CDC6: variants seen among roughly 807,000 people sequenced by gnomAD.
CDC6 encodes cell division cycle 6.
In CDC6, 46 loss-of-function variants were observed where a neutral mutation model predicts 60.2. The ratio of observed to expected loss-of-function variants is 0.76; its 90% CI spans 0.60 to 0.98. The LOEUF (loss-of-function observed/expected upper bound fraction) is 0.98. CDC6 is among the 50% of genes least tolerant of loss of function. The pLI is 0.00. For missense variants in CDC6, 596 were observed against 652.9 expected, an observed-to-expected ratio of 0.91 and a Z score of 0.95; for synonymous variants, 210 against 233.2, an observed-to-expected ratio of 0.90 and a Z score of 0.90.
intron 9 of CDC6, among the ~76,000 whole-genome samples, chr17:40,298,290 C>T (rs2032888334): frequency 6.6e-6 from 1 of 152,122 alleles, no homozygotes; most frequent in African/African-American, 2.4e-5. Flanking sequence ...TTAGGCTTGT[C>T]ACTGGCCCCT....
intron 8 of CDC6, among the ~76,000 whole-genome samples, chr17:40,295,900 C>T (rs528489107): frequency 1.3e-5 from 2 of 152,188 alleles, no homozygotes; most frequent in Admixed American, 1.3e-4. Flanking sequence ...CTCTTTCTCC[C>T]TTCCCATCCT....
rs559620054 is a variant in CDC6, at chr17:40,303,435, T to A, written c.*1434T>A. The stretch of plus-strand genomic sequence containing the variant: ...ATGGCCTTCCATTTGGAACTTGATA[T>A]GTGTACAAGTGATCTGTTGGCCACT... On this transcript the variant is annotated 3_prime_UTR_variant, in exon 12 of 12. Transcript: ENST00000209728. 3 of 152,344 alleles carry A rather than the reference T, an allele frequency of 2.0e-5. No homozygotes were observed. In the East Asian group the frequency reaches 5.8e-4, roughly 29 times the overall value. 9.4% of individuals were successfully genotyped at this position (152,344 alleles called of 1,614,324 possible).
chr17:40,302,076 C>T lies in CDC6; in HGVS notation c.*75C>T. The T allele has an allele frequency of 1.1e-6, 1 of 871,438 alleles. No individual in the cohort carries two copies. Among genetic ancestry groups the T allele is most frequent in the Non-Finnish European group, 2.0e-6 (1 of 503,980 alleles). 54.0% of individuals were successfully genotyped at this position (871,438 alleles called of 1,614,324 possible). A position where few individuals can be genotyped will look rare whatever the true frequency, so the allele number is the denominator to read the frequency against. On this transcript the variant is annotated 3_prime_UTR_variant, in exon 12 of 12. Coordinates refer to ENST00000209728, the MANE Select transcript of CDC6 (RefSeq NM_001254.4). Reference sequence around the variant, plus strand: ...CTACAGTCTTCATTTTAGTGCTTTACACATTCGGGCCTGAAAACAAATATG... The same window carrying T: ...CTACAGTCTTCATTTTAGTGCTTTATACATTCGGGCCTGAAAACAAATATG...
rs1387896040 is a variant in CDC6, at chr17:40,296,752, A to G, written c.1234A>G (p.Lys412Glu). ...ESDVKSQTIL[K>E]PLSECKSPSE... ...AGATGTCAAAAGCCAGACTATTCTC[A>G]AACCACTGTCTGAATGTAAGTAGTT... The change falls in exon 9 of 12, where the codon AAA becomes GAA. Residue 412 changes from lysine to glutamate, a missense_variant. By Grantham distance (56) the Lys-to-Glu change is moderately conservative (BLOSUM62 1). Coordinates refer to ENST00000209728, the MANE Select transcript of CDC6 (RefSeq NM_001254.4). 2 of 1,600,878 alleles carry G rather than the reference A, an allele frequency of 1.2e-6. No homozygotes were observed. Among genetic ancestry groups the G allele is most frequent in the Non-Finnish European group, 1.7e-6 (2 of 1,167,962 alleles).
intron 7 of CDC6, among the ~76,000 whole-genome samples, chr17:40,294,855 G>A (rs2032835539): frequency 6.6e-6 from 1 of 151,782 alleles, no homozygotes; most frequent in South Asian, 2.1e-4. Flanking sequence ...CTCCCCAGTA[G>A]CTAGGACTAC....
intron 4 of CDC6, among the ~76,000 whole-genome samples, chr17:40,293,053 A>G (rs1318679926): frequency 1.3e-5 from 2 of 152,080 alleles, no homozygotes; most frequent in Non-Finnish European, 2.9e-5. Flanking sequence ...AGCCTGGCCA[A>G]TGTGGCGAAA....
chr17:40,292,931 A>G (rs2032789304), intron 4 of CDC6, among the ~76,000 whole-genome samples: 1 of 149,544 alleles, frequency 6.7e-6, no homozygotes, highest in Admixed American at 6.7e-5. Context: ...CTCCGTCTCA[A>G]AAAAAAAAAG....
chr17:40,291,260 T>A lies in CDC6; in HGVS notation c.381T>A (p.Ser127Arg), dbSNP rs199624822. 2 of 1,614,124 alleles carry A rather than the reference T, an allele frequency of 1.2e-6. No individual in the cohort carries two copies. The highest frequency in any genetic ancestry group is 1.7e-6 in the Non-Finnish European group (2 of 1,179,970). The change falls in exon 3 of 12, where the codon AGT becomes AGA. Residue 127 changes from serine (S) to arginine (R), a missense_variant. Coordinates refer to ENST00000209728, the MANE Select transcript of CDC6 (RefSeq NM_001254.4). ...QNKILSSVRK[S>R]QEITTNSEQR... is the part of the protein sequence containing the mutation. ...AAATACTTTCTTCAGTTAGAAAAAG[T>A]CAAGAGATCACAACAAATTCTGAGC...
chr17:40,291,712 C>T, intron 4 of CDC6, 44 bp downstream of exon 4: 1 of 1,538,466 alleles, frequency 6.5e-7, no homozygotes, highest in Non-Finnish European at 9.0e-7. Context: ...TAAAATGATA[C>T]TTGGGTGTTT....
rs765388985 is a variant in CDC6 at position 40,300,940 on chromosome 17, A to G, written c.1362A>G (p.Gln454=). Residue 454 remains glutamine (Q), a synonymous_variant, in exon 10 of 12, where the codon CAA becomes CAG. Transcript: ENST00000209728. ...TGACCTTGAGCCAAGAAGGAGCACA[A>G]GATTCCTTCCCTCTTCAGCAGAAGA... The part of the protein sequence containing the change: ...NRMTLSQEGA[Q]DSFPLQQKIL... 1 of 1,613,874 alleles carries G rather than the reference A, an allele frequency of 6.2e-7. No homozygotes were observed. Among genetic ancestry groups the G allele is most frequent in the South Asian group, 1.1e-5 (1 of 91,080 alleles).
intron 5 of CDC6, among the ~76,000 whole-genome samples, 154 bp from the exon 6 acceptor site, chr17:40,293,796 A>C (rs1261585237): frequency 6.6e-6 from 1 of 152,252 alleles, no homozygotes; most frequent in African/African-American, 2.4e-5. Context: ...CTTATAGATG[A>C]TGTGGGGTAT....
intron 2 of CDC6, 133 bp downstream of exon 2, chr17:40,289,731 CAG>C (rs1178477866): frequency 4.9e-6 from 3 of 613,118 alleles, no homozygotes; most frequent in Admixed American, 6.7e-5. Flanking sequence ...TTTTTTGAGA[CAG>C]AGTCTCGCTC....
chr17:40,301,495 C>T lies in CDC6; in HGVS notation c.1480C>T (p.Arg494Cys), dbSNP rs773096521. ...ATATGAAGCCTACAGTAAAGTCTGTCGCAAACAGCAGGTGGCGGCTGTGGA... is the reference window on the plus strand; with the variant it reads ...ATATGAAGCCTACAGTAAAGTCTGTTGCAAACAGCAGGTGGCGGCTGTGGA... ...KLYEAYSKVC[R>C]KQQVAAVDQS... Residue 494 changes from arginine to cysteine, a missense_variant, in exon 11 of 12, where the codon CGC becomes TGC. Transcript: ENST00000209728. The T allele has an allele frequency of 1.6e-5, 26 of 1,613,832 alleles. No individual in the cohort carries two copies. Among genetic ancestry groups the T allele is most frequent in the East Asian group, 6.7e-5 (3 of 44,898 alleles).
chr17:40,295,574 C>T (rs530711020), intron 8 of CDC6, 118 bp downstream of exon 8: 34 of 727,722 alleles, frequency 4.7e-5, no homozygotes, highest in African/African-American at 1.2e-4. Flanking sequence ...TACTTTTTTA[C>T]GCTCAGAAAG....
In CDC6 at chr17:40,296,890, G is replaced by T; in HGVS notation, c.1249+123G>T. The T allele has an allele frequency of 5.2e-6, 4 of 770,074 alleles. No homozygotes were observed. The East Asian group carries it at 9.9e-5, about 19-fold the overall frequency. 47.7% of individuals were successfully genotyped at this position (770,074 alleles called of 1,614,324 possible). A position where few individuals can be genotyped will look rare whatever the true frequency, so the allele number is the denominator to read the frequency against. On this transcript the variant is annotated intron_variant, in intron 9 of 11. Transcript: ENST00000209728. The stretch of plus-strand genomic sequence containing the variant: ...AACTCACCCATTTTTATGTGTGTCT[G>T]TGTTTTTAGTCCGTTTCGTCTACTT...
At position 40,302,017 on chromosome 17, in the gene CDC6, C is replaced by G; in HGVS notation, c.*16C>G. 1 of 1,397,682 alleles carries G rather than the reference C, an allele frequency of 7.2e-7. No homozygotes were observed. The highest frequency in any genetic ancestry group is 1.7e-5 in the Admixed American group (1 of 59,748). 86.6% of individuals were successfully genotyped at this position (1,397,682 alleles called of 1,614,324 possible). On this transcript the variant is annotated 3_prime_UTR_variant, in exon 12 of 12. Coordinates refer to ENST00000209728, the MANE Select transcript of CDC6 (RefSeq NM_001254.4). ...ATTGCCTTAAATTCTTCTCTTACAC[C>G]CCACCCGAAAGTATTCAGCTGGCAT...
At chr17:40,301,296 AT>A (rs1199209906) in intron 10 of CDC6, among the ~76,000 whole-genome samples, 171 bp from the exon 11 acceptor site, 1 of 152,158 alleles carries the variant, frequency 6.6e-6, no homozygotes, top group Admixed American at 6.5e-5. Context: ...ACATTACTGT[AT>A]AGGTTTTCGG....
rs1252342992 is a variant in CDC6, at chr17:40,291,502, A to C, written c.494A>C (p.Asn165Thr). ...TCYQQAKLVL[N>T]TAVPDRLPAR... is the part of the protein sequence containing the mutation. ...TACCAGCAAGCAAAGCTGGTCCTGA[A>C]CACAGCTGTCCCAGATCGGCTGCCT... The change falls in exon 4 of 12, where the codon AAC becomes ACC. Residue 165 changes from asparagine (N) to threonine (T), a missense_variant. Transcript: ENST00000209728. 2 of 1,614,128 alleles carry C rather than the reference A, an allele frequency of 1.2e-6. No homozygotes were observed. Among genetic ancestry groups the C allele is most frequent in the Admixed American group, 3.3e-5 (2 of 60,010 alleles).
rs34020648 is a variant in CDC6 at position 40,289,703 on chromosome 17, CTTTT to C, written c.178+125_178+128del. ...AGCTTTCTAAGTTCAGTTAAGACTT[CTTTT>C]TTTTTTTTTTTTTTTTTTTGAGACA... On this transcript the variant is annotated intron_variant, in intron 2 of 11. Transcript: ENST00000209728. The C allele has an allele frequency of 3.3e-3, 1,087 of 328,772 alleles. 1 individual carries two copies. The highest frequency in any genetic ancestry group is 0.011 in the East Asian group (149 of 13,556). 20.4% of individuals were successfully genotyped at this position (328,772 alleles called of 1,614,324 possible). A position where few individuals can be genotyped will look rare whatever the true frequency, so the allele number is the denominator to read the frequency against.
Sources: gnomAD v4.1 joint callset for allele counts (sites outside exome capture counted in the v4.1 genomes callset) on GRCh38, gnomAD v4.1.1 for gene constraint, MANE v1.5 for transcripts, NCBI Gene and HGNC (gene_info 2026-07-23, HGNC 2026-07-21) for gene names.